The following NLGN4X variants were observed in gnomAD, a reference collection of about 807,000 sequenced individuals.
The protein encoded by NLGN4X is neuroligin 4 X-linked, also known as neuroligin-4, X-linked.
Under a neutral mutation model 40.3 loss-of-function variants are expected in NLGN4X, and 3 were observed. The observed-to-expected ratio is 0.07, with a 90% CI of 0.03 to 0.19. The LOEUF is 0.19. NLGN4X is among the 10% of genes least tolerant of loss of function. The probability of loss-of-function intolerance (pLI) is 1.00; values close to 1 mark genes in which losing one functional copy is unlikely to be tolerated. For synonymous variants in NLGN4X, 270 were observed against 306.8 expected, an observed-to-expected ratio of 0.88 and a Z score of 1.25; for missense variants, 382 against 708.3, an observed-to-expected ratio of 0.54 and a Z score of 5.23.
At chrX:6,025,798 G>A (rs1219624958) in intron 3 of NLGN4X, among the ~76,000 whole-genome samples, 1 of 108,408 alleles carries the variant, frequency 9.2e-6, no homozygotes, top group Non-Finnish European at 1.9e-5. Context: ...CAGCTACTGC[G>A]GAGGCTGAGG....
At chrX:5,969,455 A>C (rs772739857) in intron 3 of NLGN4X, among the ~76,000 whole-genome samples, 20 of 111,991 alleles carry the variant, frequency 1.8e-4, no homozygotes, top group Admixed American at 1.6e-3. Flanking sequence ...AGAGAAATGC[A>C]AATCAAAACC....
At chrX:6,107,952 T>C (rs759179634) in intron 2 of NLGN4X, among the ~76,000 whole-genome samples, 18 of 112,315 alleles carry the variant, frequency 1.6e-4, no homozygotes, top group Non-Finnish European at 3.2e-4. Context: ...CAATGCACTG[T>C]TGATGGACAC....
At chrX:5,950,131 A>T (rs1293418465) in intron 3 of NLGN4X, among the ~76,000 whole-genome samples, 1 of 111,762 alleles carries the variant, frequency 8.9e-6, no homozygotes, top group Non-Finnish European at 1.9e-5. Context: ...GTTGCCCAGG[A>T]GTAAGTGAGA....
chrX:6,162,924 G>A (rs2040427979), intron 1 of NLGN4X, among the ~76,000 whole-genome samples: 1 of 111,855 alleles, frequency 8.9e-6, no homozygotes, highest in Non-Finnish European at 1.9e-5. Flanking sequence ...ATCTTGAATT[G>A]TAGCTCCCAT....
rs750508795 is a variant in NLGN4X at position 6,179,099 on chromosome X, A to AAAGGAAGGAAGG, written c.-305-27340_-305-27329dup. Among the ~76,000 whole-genome samples the AAAGGAAGGAAGG allele has an allele frequency of 8.9e-3, 695 of 78,195 alleles. 35 individuals are homozygous for AAAGGAAGGAAGG. Among genetic ancestry groups the AAAGGAAGGAAGG allele is most frequent in the African/African-American group, 0.019 (294 of 15,741 alleles). The allele number at this position is 78,195 out of a possible 115,157, so 67.9% of individuals were successfully genotyped here. A position where few individuals can be genotyped will look rare whatever the true frequency, so the allele number is the denominator to read the frequency against. On this transcript the variant is annotated intron_variant, in intron 1 of 5. Coordinates refer to ENST00000381095, the MANE Select transcript of NLGN4X (RefSeq NM_181332.3). ...GAGCGACAAAGCAAGACCCTGAAAA[A>AAAGGAAGGAAGG]AAGGAAGGAAGGAAGGAAGGAAGGA...
intron 5 of NLGN4X, among the ~76,000 whole-genome samples, chrX:5,897,952 C>CTTCT (rs1397496982): frequency 1.1e-5 from 1 of 92,714 alleles, no homozygotes; most frequent in Non-Finnish European, 2.1e-5. Flanking sequence ...CCCTGTTTTC[C>CTTCT]TTCTTTCCCT....
chrX:6,219,555 TCTTTCTTTCTTTCTTTCTTC>T (rs1415356904), intron 1 of NLGN4X, among the ~76,000 whole-genome samples: 28 of 31,934 alleles, frequency 8.8e-4, no homozygotes, highest in Middle Eastern at 0.02. Context: ...TTTCTTTCTT[TCTTTCTTTCTTTCTTTCTTC>T]CTTCCTTCCT....
At chrX:5,997,625 T>TACAC (rs2035864724) in intron 3 of NLGN4X, among the ~76,000 whole-genome samples, 1 of 35,224 alleles carries the variant, frequency 2.8e-5, no homozygotes, top group Non-Finnish European at 4.7e-5. Context: ...CATATATATA[T>TACAC]ATATATACAC....
At chrX:6,217,563 T>C (rs1338995333) in intron 1 of NLGN4X, among the ~76,000 whole-genome samples, 1 of 111,938 alleles carries the variant, frequency 8.9e-6, no homozygotes, top group African/African-American at 3.2e-5. Flanking sequence ...TGTTCTGTCC[T>C]CATAATATGG....
intron 3 of NLGN4X, among the ~76,000 whole-genome samples, chrX:5,925,905 TATATATATATATATATATATATATATAA>T (rs2033288337): frequency 2.4e-5 from 1 of 42,399 alleles, no homozygotes; most frequent in South Asian, 1.2e-3. Context: ...TATATATATA[TATATATATATATATATATATATATATAA>T]ACCTGCGAAG....
chrX:5,961,134 T>C (rs1017591369), intron 3 of NLGN4X, among the ~76,000 whole-genome samples: 2 of 111,691 alleles, frequency 1.8e-5, no homozygotes, highest in Non-Finnish European at 3.8e-5. Context: ...GTTCACGCCA[T>C]TCTCCTGCCT....
chrX:6,208,310 T>C (rs984057182), intron 1 of NLGN4X, among the ~76,000 whole-genome samples: 4 of 112,526 alleles, frequency 3.6e-5, no homozygotes. Flanking sequence ...TATCAGATAC[T>C]TATCAAGGAT....
At chrX:5,900,480 G>C (rs989482036) in intron 5 of NLGN4X, among the ~76,000 whole-genome samples, 1 of 106,390 alleles carries the variant, frequency 9.4e-6, no homozygotes. Flanking sequence ...GGCCCTGCAA[G>C]CACCTTCATT....
chrX:6,074,974 G>A (rs1330272233), intron 2 of NLGN4X, among the ~76,000 whole-genome samples: 3 of 111,582 alleles, frequency 2.7e-5, no homozygotes, highest in Admixed American at 9.5e-5. Flanking sequence ...AAGAACCAAC[G>A]GCAAAGGTAC....
intron 1 of NLGN4X, among the ~76,000 whole-genome samples, chrX:6,213,159 C>A (rs1349175970): frequency 9.1e-6 from 1 of 109,922 alleles, no homozygotes; most frequent in Non-Finnish European, 1.9e-5. Context: ...CCAACACCAG[C>A]AGCAAAAGTC....
At chrX:6,180,316 T>C (rs748121377) in intron 1 of NLGN4X, among the ~76,000 whole-genome samples, 3 of 111,328 alleles carry the variant, frequency 2.7e-5, no homozygotes, top group Non-Finnish European at 5.7e-5. Context: ...TTCTCATGAA[T>C]GGTTTAGCAT....
At chrX:6,032,794 T>C in intron 2 of NLGN4X, 1 of 911,888 alleles carries the variant, frequency 1.1e-6, no homozygotes, top group East Asian at 3.3e-5. Flanking sequence ...AAAAGAGAAT[T>C]CAAAAACAAC....
intron 2 of NLGN4X, among the ~76,000 whole-genome samples, chrX:6,047,007 A>G (rs961893528): frequency 9.2e-6 from 1 of 108,862 alleles, no homozygotes; most frequent in Non-Finnish European, 1.9e-5. Flanking sequence ...ATTTATTTCA[A>G]TAAATAATAG....
At chrX:6,171,753 T>A (rs1367454198) in intron 1 of NLGN4X, among the ~76,000 whole-genome samples, 1 of 111,942 alleles carries the variant, frequency 8.9e-6, no homozygotes, top group Non-Finnish European at 1.9e-5. Context: ...CTTAATAAGT[T>A]TTTTTTCTTT....
Sources: allele counts gnomAD v4.1 joint callset (sites outside exome capture counted in the v4.1 genomes callset), GRCh38; gene constraint gnomAD v4.1.1; transcripts MANE v1.5; gene names NCBI Gene and HGNC (gene_info 2026-07-23, HGNC 2026-07-21).